TNFSF13B: variants seen among roughly 807,000 people sequenced by gnomAD.
TNFSF13B encodes the protein tumor necrosis factor ligand superfamily member 13B.
TNFSF13B carries 8 observed loss-of-function variants against 29.1 expected under a neutral mutation model. The observed-to-expected ratio is 0.27, with a 90% CI of 0.16 to 0.50. The LOEUF (loss-of-function observed/expected upper bound fraction) is 0.50, where lower values mean the gene tolerates loss of function less well. TNFSF13B is among the 20% of genes least tolerant of loss of function. The pLI, the probability that TNFSF13B is intolerant of heterozygous loss-of-function variation, is 0.98. For synonymous variants in TNFSF13B, 125 were observed against 130.8 expected (o/e 0.96, Z 0.30); for missense variants, 248 against 334.9 (o/e 0.74, Z 2.03).
At chr13:108,287,133 G>A (rs914264888) in intron 3 of TNFSF13B, among the ~76,000 whole-genome samples, 1 of 120,818 alleles carries the variant, frequency 8.3e-6, no homozygotes, top group East Asian at 3.0e-4. Flanking sequence ...GGTGGGGGGA[G>A]GGGGGAGGGA....
At chr13:108,283,923 T>C (rs1881036538) in intron 2 of TNFSF13B, among the ~76,000 whole-genome samples, 1 of 152,146 alleles carries the variant, frequency 6.6e-6, no homozygotes, top group African/African-American at 2.4e-5. Context: ...GTCTTCCTAA[T>C]AGCATCACCT....
chr13:108,269,991 A>G lies in TNFSF13B; in HGVS notation c.96A>G (p.Pro32=), dbSNP rs750728247. The G allele has an allele frequency of 1.9e-6, 3 of 1,613,554 alleles. No homozygotes were observed. The highest frequency in any genetic ancestry group is 2.2e-5 in the South Asian group (2 of 91,082). ...MKLKECVSIL[P]RKESPSVRSS... ...TGAAGGAGTGTGTTTCCATCCTCCC[A>G]CGGAAGGAAAGCCCCTCTGTCCGAT... Residue 32 remains proline (P), a synonymous_variant, in exon 1 of 6, where the codon CCA becomes CCG. Transcript: ENST00000375887.
At chr13:108,276,507 T>C (rs1880766655) in intron 2 of TNFSF13B, among the ~76,000 whole-genome samples, 1 of 152,236 alleles carries the variant, frequency 6.6e-6, no homozygotes, top group Admixed American at 6.5e-5. Context: ...ATATTGTGTC[T>C]CTTTTACACA....
At chr13:108,300,289 A>G (rs745658323) in intron 3 of TNFSF13B, among the ~76,000 whole-genome samples, 1 of 152,186 alleles carries the variant, frequency 6.6e-6, no homozygotes, top group African/African-American at 2.4e-5. Flanking sequence ...TTTAATAAAT[A>G]TTTGCTGCAT....
At chr13:108,271,755 A>G (rs917004505) in intron 2 of TNFSF13B, among the ~76,000 whole-genome samples, 1 of 152,036 alleles carries the variant, frequency 6.6e-6, no homozygotes, top group Non-Finnish European at 1.5e-5. Flanking sequence ...ATACTATAAT[A>G]TTTTTTGTTT....
At chr13:108,278,617 C>T (rs1349514359) in intron 2 of TNFSF13B, among the ~76,000 whole-genome samples, 1 of 113,826 alleles carries the variant, frequency 8.8e-6, no homozygotes, top group Non-Finnish European at 1.9e-5. Context: ...CTCCCCTTCT[C>T]TTCCTCCTCC....
intron 3 of TNFSF13B, among the ~76,000 whole-genome samples, chr13:108,302,048 G>T (rs543041591): frequency 1.3e-5 from 2 of 152,322 alleles, no homozygotes; most frequent in East Asian, 3.9e-4. Flanking sequence ...TGAACACACT[G>T]TTAGCTACCA....
rs979546694 is a variant in TNFSF13B at position 108,269,756 on chromosome 13, A to C, written c.-140A>C. 3.5e-5 allele frequency: 27 copies of C among 767,324 alleles called. No individual in the cohort carries two copies. Among genetic ancestry groups the C allele is most frequent in the Non-Finnish European group, 3.0e-5 (14 of 474,512 alleles). 47.5% of individuals were successfully genotyped at this position (767,324 alleles called of 1,614,324 possible). On this transcript the variant is annotated 5_prime_UTR_variant, in exon 1 of 6. Coordinates refer to ENST00000375887, the MANE Select transcript of TNFSF13B (RefSeq NM_006573.5). ...CAGAAAGGCAGAAAGGAGAAAATTCAGGATAACTCTCCTGAGGGGTGAGCC... is the reference window on the plus strand; with the variant it reads ...CAGAAAGGCAGAAAGGAGAAAATTCCGGATAACTCTCCTGAGGGGTGAGCC...
At chr13:108,304,905 C>T (rs1374542016) in intron 5 of TNFSF13B, among the ~76,000 whole-genome samples, 1 of 152,086 alleles carries the variant, frequency 6.6e-6, no homozygotes, top group Non-Finnish European at 1.5e-5. Flanking sequence ...TCACCCAGTG[C>T]TGACTAGTAG....
chr13:108,286,743 T>C, intron 2 of TNFSF13B, 60 bp from the exon 3 acceptor site: 1 of 1,153,152 alleles, frequency 8.7e-7, no homozygotes, highest in Non-Finnish European at 1.2e-6. Flanking sequence ...TAGCTTTGTG[T>C]TCTCAGTTTC....
Position 108,308,470 on chromosome 13 carries a change from T to A in TNFSF13B, c.*1532T>A, listed in dbSNP as rs1055077256. 2.0e-5 allele frequency: 3 copies of A among 152,120 alleles called. No homozygotes were observed. Among genetic ancestry groups the A allele is most frequent in the Non-Finnish European group, 2.9e-5 (2 of 67,988 alleles). 9.4% of individuals were successfully genotyped at this position (152,120 alleles called of 1,614,324 possible). A position where few individuals can be genotyped will look rare whatever the true frequency, so the allele number is the denominator to read the frequency against. ...TGGATTAACAAATAAAAACATTCAT[T>A]GCCTTTTGCCTCATTGTCTGACTGA... On this transcript the variant is annotated 3_prime_UTR_variant, in exon 6 of 6. Transcript: ENST00000375887.
chr13:108,279,607 T>C (rs1484202154), intron 2 of TNFSF13B, among the ~76,000 whole-genome samples: 1 of 152,158 alleles, frequency 6.6e-6, no homozygotes, highest in East Asian at 1.9e-4. Flanking sequence ...CTGTTTTGTA[T>C]TCCAGGGAGA....
In TNFSF13B at chr13:108,270,407, A is replaced by T. The variant is rs779047050; in HGVS notation, c.407A>T (p.Gln136Leu). The change falls in exon 2 of 6, where the codon CAG becomes CTG. Residue 136 changes from glutamine to leucine, a missense_variant. By Grantham distance (113) the Gln-to-Leu change is moderately radical (BLOSUM62 -2). This residue lies in a region of TNFSF13B where 186 missense variants were observed against 196.3 expected (regional missense o/e 0.95). Coordinates refer to ENST00000375887, the MANE Select transcript of TNFSF13B (RefSeq NM_006573.5). ...SQNSRNKRAV[Q>L]GPEETVTQDC... ...AACAGCAGAAATAAGCGTGCCGTTC[A>T]GGGTCCAGAAGAAACAGGTATGTTT... is the stretch of plus-strand genomic sequence containing the variant. 9 of 1,614,066 alleles carry T rather than the reference A, an allele frequency of 5.6e-6. No homozygotes were observed. Among genetic ancestry groups the T allele is most frequent in the Non-Finnish European group, 7.6e-6 (9 of 1,179,904 alleles).
chr13:108,290,356 G>A (rs565424486), intron 3 of TNFSF13B, among the ~76,000 whole-genome samples: 37 of 152,034 alleles, frequency 2.4e-4, no homozygotes, highest in Non-Finnish European at 5.1e-4. Context: ...GTGTGCATCC[G>A]TAACTTCTCA....
Position 108,306,994 on chromosome 13 carries a change from G to C in TNFSF13B, c.*56G>C. ...CTCCCTTTCTCTGTACCTCTAAGAA[G>C]AAAGAATCTAACTGAAAATACCAAA... On this transcript the variant is annotated 3_prime_UTR_variant, in exon 6 of 6. Transcript: ENST00000375887. 7.2e-6 allele frequency: 1 copy of C among 139,406 alleles called. No individual in the cohort carries two copies. The highest frequency in any genetic ancestry group is 1.4e-5 in the Non-Finnish European group (1 of 69,548). 8.6% of individuals were successfully genotyped at this position (139,406 alleles called of 1,614,324 possible).
rs1052737258 is a variant in TNFSF13B at position 108,294,809 on chromosome 13, G to A, written c.481+7950G>A. Among the ~76,000 whole-genome samples, 15 of 144,948 alleles carry A rather than the reference G, an allele frequency of 1.0e-4. 2 individuals carry two copies. The highest frequency in any genetic ancestry group is 2.3e-4 in the Non-Finnish European group (15 of 65,376). The stretch of plus-strand genomic sequence containing the variant: ...GATTGATGTTAATTTTTCTTTAAAT[G>A]TCTAGTAAAATTCACCAGTAAAACC... On this transcript the variant is annotated intron_variant, in intron 3 of 5. Coordinates refer to ENST00000375887, the MANE Select transcript of TNFSF13B (RefSeq NM_006573.5).
At chr13:108,286,943 C>G (rs527994816) in intron 3 of TNFSF13B, 84 bp downstream of exon 3, 33 of 821,078 alleles carry the variant, frequency 4.0e-5, no homozygotes, top group Non-Finnish European at 5.7e-5. Context: ...CACATATACG[C>G]TATGGAATAC....
chr13:108,308,012 TA>T lies in TNFSF13B; in HGVS notation c.*1077del, dbSNP rs1200237810. The T allele has an allele frequency of 6.6e-6, 1 of 152,068 alleles. No homozygotes were observed. Among genetic ancestry groups the T allele is most frequent in the Non-Finnish European group, 1.5e-5 (1 of 67,956 alleles). 9.4% of individuals were successfully genotyped at this position (152,068 alleles called of 1,614,324 possible). ...AGACAGCATCCCGGTTTTCATTTTA[TA>T]AAGTACCATACTTAAGAATGCTGTA... is the stretch of plus-strand genomic sequence containing the variant. On this transcript the variant is annotated 3_prime_UTR_variant, in exon 6 of 6. Coordinates refer to ENST00000375887, the MANE Select transcript of TNFSF13B (RefSeq NM_006573.5).
At chr13:108,284,140 T>C in intron 2 of TNFSF13B, among the ~76,000 whole-genome samples, 1 of 152,090 alleles carries the variant, frequency 6.6e-6, no homozygotes, top group Non-Finnish European at 1.5e-5. Flanking sequence ...CCATCCTGGC[T>C]AACACGATGA....
Sources: allele counts gnomAD v4.1 joint callset (sites outside exome capture counted in the v4.1 genomes callset), GRCh38; gene constraint gnomAD v4.1.1; regional missense constraint gnomAD v4.1.1; transcripts MANE v1.5; gene names NCBI Gene and HGNC (gene_info 2026-07-23, HGNC 2026-07-21).